Variants in SRRM4 observed in about 807,000 individuals in gnomAD.
The protein encoded by SRRM4 is serine/arginine repetitive matrix 4, also known as serine/arginine repetitive matrix protein 4.
Under a neutral mutation model 68.9 loss-of-function variants are expected in SRRM4, and 33 were observed. The observed-to-expected ratio is 0.48, with a 90% confidence interval of 0.36 to 0.64. The LOEUF is 0.64. Among genes scored for constraint, SRRM4 ranks in the 30% least tolerant of loss-of-function variants. The pLI is 0.00. For missense variants in SRRM4, 817 were observed against 827.1 expected (o/e 0.99, Z 0.15); for synonymous variants, 318 against 318.8 (o/e 1.00, Z 0.03).
intron 1 of SRRM4, among the ~76,000 whole-genome samples, chr12:119,002,682 C>T (rs11069225): frequency 0.31 from 46,719 of 151,914 alleles, 7,327 homozygotes; most frequent in Admixed American, 0.32. Flanking sequence ...TCTATTCAAC[C>T]TAGGGCCACA....
chr12:119,156,770 C>A lies in SRRM4; in HGVS notation c.1808C>A (p.Ala603Glu). ...SRSQSRSYSS[A>E]DSYSSTRR The stretch of plus-strand genomic sequence containing the variant: ...AGCCAGAGCCGGAGCTACAGCTCAG[C>A]AGACAGCTACTCCAGCACGAGGCGC... Residue 603 changes from alanine to glutamate, a missense_variant, in exon 13 of 13, where the codon GCA (alanine) becomes GAA (glutamate). By Grantham distance (107) the Ala-to-Glu change is moderately radical. Coordinates refer to ENST00000267260, the MANE Select transcript of SRRM4 (RefSeq NM_194286.4). The A allele has an allele frequency of 6.5e-7, 1 of 1,542,590 alleles. No homozygotes were observed.
In SRRM4 at chr12:119,130,008, G is replaced by A. The variant is rs866875716; in HGVS notation, c.615-670G>A. On this transcript the variant is annotated intron_variant, in intron 7 of 12. Coordinates refer to ENST00000267260, the MANE Select transcript of SRRM4 (RefSeq NM_194286.4). The stretch of plus-strand genomic sequence containing the variant: ...GGATGGATGGATGGATGGATGGATG[G>A]ATGAATGCATAGATGGTTGGCTGAG... 3.4e-3 allele frequency among the ~76,000 whole-genome samples: 442 copies of A among 129,430 alleles called. 2 individuals are homozygous for A. The highest frequency in any genetic ancestry group is 0.012 in the African/African-American group (413 of 33,974). The allele number at this position is 129,430 out of a possible 152,430, so 84.9% of individuals were successfully genotyped here. A position where few individuals can be genotyped will look rare whatever the true frequency, so the allele number is the denominator to read the frequency against.
rs1954323445 is a variant in SRRM4, at chr12:119,135,642, C to G, written c.771+4808C>G. Among the ~76,000 whole-genome samples, 10 of 152,274 alleles carry G rather than the reference C, an allele frequency of 6.6e-5. No individual in the cohort carries two copies. The South Asian group carries it at 2.1e-3, about 32-fold the overall frequency. Reference sequence around the variant, plus strand: ...TGTTTACTGAGCACCTACTATGCACCAGGTGCTAGGCCAATTCTTTACATG... The same window carrying G: ...TGTTTACTGAGCACCTACTATGCACGAGGTGCTAGGCCAATTCTTTACATG... On this transcript the variant is annotated intron_variant, in intron 8 of 12. Coordinates refer to ENST00000267260, the MANE Select transcript of SRRM4 (RefSeq NM_194286.4).
intron 1 of SRRM4, among the ~76,000 whole-genome samples, chr12:119,066,539 A>G (rs891326989): frequency 9.2e-5 from 14 of 152,236 alleles, no homozygotes; most frequent in East Asian, 5.8e-4. Context: ...ACACCAAATC[A>G]GAAACTTCGG....
chr12:118,983,387 C>A (rs1218791028), intron 1 of SRRM4, among the ~76,000 whole-genome samples: 1 of 152,174 alleles, frequency 6.6e-6, no homozygotes, highest in African/African-American at 2.4e-5. Flanking sequence ...GGACACCCAC[C>A]CACCCACTGA....
At chr12:119,065,399 T>C (rs1953839477) in intron 1 of SRRM4, among the ~76,000 whole-genome samples, 1 of 152,140 alleles carries the variant, frequency 6.6e-6, no homozygotes, top group African/African-American at 2.4e-5. Flanking sequence ...CATTGAACTA[T>C]GTAGGACCTA....
chr12:119,088,778 C>T (rs980409387), intron 1 of SRRM4, among the ~76,000 whole-genome samples: 1 of 152,108 alleles, frequency 6.6e-6, no homozygotes, highest in Non-Finnish European at 1.5e-5. Flanking sequence ...GTAGAGAAGG[C>T]ACTCTGGGCA....
chr12:118,988,743 G>T (rs114077302), intron 1 of SRRM4, among the ~76,000 whole-genome samples: 1 of 152,168 alleles, frequency 6.6e-6, no homozygotes, highest in South Asian at 2.1e-4. Context: ...CCCTGTTCCC[G>T]TGGAGGAGAA....
chr12:119,069,700 T>A (rs1367516697), intron 1 of SRRM4: 1 of 152,180 alleles, frequency 6.6e-6, no homozygotes, highest in African/African-American at 2.4e-5. Context: ...GAGAAAAGAA[T>A]GAATGTTTCC....
At chr12:119,123,764 C>T (rs998498149) in intron 6 of SRRM4, among the ~76,000 whole-genome samples, 3 of 152,200 alleles carry the variant, frequency 2.0e-5, no homozygotes, top group African/African-American at 7.2e-5. Flanking sequence ...GTGAGTTAGC[C>T]TCCTTTCATT....
intron 1 of SRRM4, among the ~76,000 whole-genome samples, chr12:118,989,342 TA>T (rs1331415409): frequency 2.0e-5 from 3 of 152,204 alleles, no homozygotes; most frequent in Non-Finnish European, 4.4e-5. Flanking sequence ...CAGGAAACTT[TA>T]AAGATGCTGT....
intron 1 of SRRM4, among the ~76,000 whole-genome samples, chr12:119,086,383 AG>A (rs1241722753): frequency 1.3e-5 from 2 of 152,210 alleles, no homozygotes; most frequent in Non-Finnish European, 2.9e-5. Context: ...TCTCAGCCAC[AG>A]GTCCCACCAC....
At chr12:119,044,506 G>A (rs1473055271) in intron 1 of SRRM4, among the ~76,000 whole-genome samples, 2 of 127,450 alleles carry the variant, frequency 1.6e-5, no homozygotes, top group Admixed American at 1.7e-4. Context: ...TAAGCCACAT[G>A]TCCTGCCTCC....
rs925413250 is a variant in SRRM4 at position 119,154,190 on chromosome 12, G to A, written c.1392-53G>A. On this transcript the variant is annotated intron_variant, in intron 11 of 12. Coordinates refer to ENST00000267260, the MANE Select transcript of SRRM4 (RefSeq NM_194286.4). This position sits in a 1 kb window ranked among gnomAD's most constrained non-coding sequence, Gnocchi z 4.7. ...GAGTGTCCCTCTCCCACGCGCTCAC[G>A]CAGAAAATCCAGCCCAGCCCCAGCT... The A allele has an allele frequency of 7.4e-5, 112 of 1,523,240 alleles. No homozygotes were observed. The highest frequency in any genetic ancestry group is 9.8e-5 in the Non-Finnish European group (110 of 1,119,952). 94.4% of individuals were successfully genotyped at this position (1,523,240 alleles called of 1,614,324 possible).
chr12:119,120,232 TTC>T lies in SRRM4; in HGVS notation c.438-16_438-15del, dbSNP rs1565912803. On this transcript the variant is annotated splice_polypyrimidine_tract_variant and intron_variant, in intron 4 of 12. Coordinates refer to ENST00000267260, the MANE Select transcript of SRRM4 (RefSeq NM_194286.4). ...TCTTTGATTCTTCTTTTCATTTTTT[TTC>T]TTTCTTTCTTTTCAGGTCATTCTCC... 3 of 1,531,520 alleles carry T rather than the reference TTC, an allele frequency of 2.0e-6. No individual in the cohort carries two copies. Among genetic ancestry groups the T allele is most frequent in the Non-Finnish European group, 2.7e-6 (3 of 1,131,826 alleles). The allele number at this position is 1,531,520 out of a possible 1,614,324, so 94.9% of individuals were successfully genotyped here.
At chr12:119,054,800 G>C (rs1953766609) in intron 1 of SRRM4, among the ~76,000 whole-genome samples, 1 of 152,122 alleles carries the variant, frequency 6.6e-6, no homozygotes, top group Non-Finnish European at 1.5e-5. Flanking sequence ...TGTCCCTTGG[G>C]GTGGCAAGAG....
At chr12:119,110,095 A>C (rs1954132958) in intron 2 of SRRM4, among the ~76,000 whole-genome samples, 1 of 152,196 alleles carries the variant, frequency 6.6e-6, no homozygotes, top group Non-Finnish European at 1.5e-5. Flanking sequence ...GGTCCACTCC[A>C]GACACTGTTT....
intron 1 of SRRM4, among the ~76,000 whole-genome samples, chr12:119,044,796 G>T (rs892092395): frequency 2.0e-5 from 3 of 152,104 alleles, no homozygotes; most frequent in Non-Finnish European, 4.4e-5. Flanking sequence ...ATAAAAGAAG[G>T]CACCTGAGAC....
At chr12:119,115,187 C>G (rs182354597) in intron 3 of SRRM4, among the ~76,000 whole-genome samples, 12 of 152,120 alleles carry the variant, frequency 7.9e-5, no homozygotes, top group African/African-American at 2.9e-4. Flanking sequence ...GGTTCTACGA[C>G]GCCCACCTAA....
Sources: allele counts gnomAD v4.1 joint callset (sites outside exome capture counted in the v4.1 genomes callset), GRCh38; gene constraint gnomAD v4.1.1; non-coding constraint Gnocchi (gnomAD v3.1); transcripts MANE v1.5; gene names NCBI Gene and HGNC (gene_info 2026-07-23, HGNC 2026-07-21).